The following LRRC4C variants were observed in gnomAD, a reference collection of about 807,000 sequenced individuals.
The protein encoded by LRRC4C is leucine-rich repeat-containing protein 4C.
LRRC4C carries 5 observed loss-of-function variants against 33.6 expected under a neutral mutation model. The ratio of observed to expected loss-of-function variants is 0.15; its 90% CI spans 0.08 to 0.31. LRRC4C has a LOEUF of 0.31. Among genes scored for constraint, LRRC4C ranks in the 10% least tolerant of loss-of-function variants. The pLI is 1.00. For missense variants in LRRC4C, 560 were observed against 796.7 expected (o/e 0.70, Z 3.58); for synonymous variants, 329 against 302.0 (o/e 1.09, Z -0.93).
chr11:41,159,859 T>C (rs1284759892), intron 1 of LRRC4C, among the ~76,000 whole-genome samples: 2 of 152,138 alleles, frequency 1.3e-5, no homozygotes, highest in East Asian at 3.9e-4. Flanking sequence ...ATGAGTATTA[T>C]ACCCAATACT....
At chr11:40,455,913 G>A (rs574569243) in intron 3 of LRRC4C, among the ~76,000 whole-genome samples, 1 of 152,214 alleles carries the variant, frequency 6.6e-6, no homozygotes, top group East Asian at 1.9e-4. Context: ...ATATTAGTAT[G>A]TGAAAGTGGC....
chr11:41,047,990 G>A (rs1269554597), intron 1 of LRRC4C, among the ~76,000 whole-genome samples: 1 of 152,002 alleles, frequency 6.6e-6, no homozygotes, highest in African/African-American at 2.4e-5. Context: ...TATCAATAGA[G>A]CTCTTAAACC....
At chr11:40,949,201 A>T (rs1352093752) in intron 1 of LRRC4C, among the ~76,000 whole-genome samples, 1 of 151,880 alleles carries the variant, frequency 6.6e-6, no homozygotes, top group East Asian at 1.9e-4. Context: ...CTTCGCCCAC[A>T]TTTTGATGGG....
chr11:41,350,154 C>G (rs1951929228), intron 1 of LRRC4C, among the ~76,000 whole-genome samples: 2 of 152,194 alleles, frequency 1.3e-5, no homozygotes, highest in Admixed American at 1.3e-4. Context: ...TCAGTGACTA[C>G]CTGTATAGAT....
intron 2 of LRRC4C, among the ~76,000 whole-genome samples, chr11:40,796,090 C>A (rs1043959824): frequency 3.3e-5 from 5 of 152,078 alleles, no homozygotes; most frequent in African/African-American, 1.2e-4. Context: ...AATATGGGTG[C>A]TTTGGTATTA....
intron 1 of LRRC4C, among the ~76,000 whole-genome samples, chr11:41,292,142 G>A (rs1354007256): frequency 6.6e-6 from 1 of 152,108 alleles, no homozygotes; most frequent in Admixed American, 6.6e-5. Context: ...CTTTCATAGT[G>A]GGACAATTAG....
chr11:40,483,930 A>G (rs1328373635), intron 3 of LRRC4C, among the ~76,000 whole-genome samples: 1 of 151,972 alleles, frequency 6.6e-6, no homozygotes, highest in Non-Finnish European at 1.5e-5. Context: ...AAGACAATTC[A>G]CTGTAAAACA....
chr11:40,628,016 T>C (rs1343229359), intron 3 of LRRC4C, among the ~76,000 whole-genome samples: 1 of 152,220 alleles, frequency 6.6e-6, no homozygotes, highest in Non-Finnish European at 1.5e-5. Context: ...TCAAGTCTCC[T>C]AAGGGACATA....
At chr11:41,042,784 A>T (rs1857517114) in intron 1 of LRRC4C, among the ~76,000 whole-genome samples, 1 of 152,074 alleles carries the variant, frequency 6.6e-6, no homozygotes, top group Non-Finnish European at 1.5e-5. Flanking sequence ...GTTGTTGTTA[A>T]ATGTTTCTAT....
chr11:41,265,678 G>A (rs1949125582), intron 1 of LRRC4C, among the ~76,000 whole-genome samples: 1 of 152,022 alleles, frequency 6.6e-6, no homozygotes, highest in African/African-American at 2.4e-5. Flanking sequence ...CAGCATAATG[G>A]AATTCTGCAG....
At chr11:41,268,194 G>A (rs4319501) in intron 1 of LRRC4C, among the ~76,000 whole-genome samples, 151,949 of 152,232 alleles carry the variant, frequency 1, 75,833 homozygotes, top group East Asian at 1. Flanking sequence ...CAGAGCCCCA[G>A]TTCTGCTGGG....
At chr11:41,448,183 A>G (rs1955898976) in intron 1 of LRRC4C, among the ~76,000 whole-genome samples, 1 of 129,810 alleles carries the variant, frequency 7.7e-6, no homozygotes. Flanking sequence ...TTCTGCTTTA[A>G]AATTGAGAAA....
intron 3 of LRRC4C, among the ~76,000 whole-genome samples, chr11:40,417,642 A>G (rs995544326): frequency 6.6e-6 from 1 of 152,078 alleles, no homozygotes; most frequent in African/African-American, 2.4e-5. Flanking sequence ...ATGAGCCACC[A>G]TGCCTGGCCA....
chr11:40,225,982 C>T (rs1590758772), intron 5 of LRRC4C, among the ~76,000 whole-genome samples: 1 of 152,192 alleles, frequency 6.6e-6, no homozygotes, highest in African/African-American at 2.4e-5. Flanking sequence ...ACACTTCTAA[C>T]TGAGAGACTA....
intron 2 of LRRC4C, among the ~76,000 whole-genome samples, chr11:40,910,733 C>G (rs116991723): frequency 6.6e-6 from 1 of 151,844 alleles, no homozygotes; most frequent in African/African-American, 2.4e-5. Context: ...GAGCTTGAGC[C>G]GGAGCAAGGC....
intron 1 of LRRC4C, among the ~76,000 whole-genome samples, chr11:41,215,475 G>A (rs1199589447): frequency 7.8e-6 from 1 of 128,954 alleles, no homozygotes; most frequent in Non-Finnish European, 1.6e-5. Flanking sequence ...GTGACAGAGT[G>A]CAATTCCATC....
At chr11:40,238,672 AT>A (rs1488283225) in intron 5 of LRRC4C, among the ~76,000 whole-genome samples, 2 of 152,216 alleles carry the variant, frequency 1.3e-5, no homozygotes, top group African/African-American at 4.8e-5. Context: ...GAAAATTTTT[AT>A]CACATGAGTT....
intron 1 of LRRC4C, among the ~76,000 whole-genome samples, chr11:41,026,403 G>T (rs770077668): frequency 1.3e-5 from 2 of 151,494 alleles, no homozygotes; most frequent in Admixed American, 1.3e-4. Context: ...CAATTGAGTT[G>T]CTGCAATCTT....
chr11:41,291,148 T>G (rs1409551959), intron 1 of LRRC4C, among the ~76,000 whole-genome samples: 1 of 152,176 alleles, frequency 6.6e-6, no homozygotes, highest in Non-Finnish European at 1.5e-5. Context: ...TAAAACATGA[T>G]TTAAAACCTT....
Sources: gnomAD v4.1 joint callset for allele counts (sites outside exome capture counted in the v4.1 genomes callset) on GRCh38, gnomAD v4.1.1 for gene constraint, MANE v1.5 for transcripts, NCBI Gene and HGNC (gene_info 2026-07-23, HGNC 2026-07-21) for gene names.